Variants in ZSWIM6 observed in about 807,000 individuals in gnomAD.
ZSWIM6 encodes zinc finger SWIM domain-containing protein 6.
Under a neutral mutation model 113.2 loss-of-function variants are expected in ZSWIM6, and 9 were observed. The observed-to-expected ratio is 0.08, with a 90% CI of 0.05 to 0.14. The LOEUF is 0.14. ZSWIM6 is among the 10% of genes least tolerant of loss of function. ZSWIM6 has a pLI of 1.00. For synonymous variants in ZSWIM6, 611 were observed against 606.5 expected, an observed-to-expected ratio of 1.01 and a Z score of -0.11; for missense variants, 1,162 against 1,552.2, an observed-to-expected ratio of 0.75 and a Z score of 4.22.
chr5:61,513,076 TCAAA>T (rs1289915552), intron 4 of ZSWIM6, among the ~76,000 whole-genome samples: 1 of 152,100 alleles, frequency 6.6e-6, no homozygotes, highest in East Asian at 1.9e-4. Context: ...CATTAAAGTA[TCAAA>T]CAGAGTAGTT....
chr5:61,535,535 T>C lies in ZSWIM6; in HGVS notation c.2297T>C (p.Met766Thr), dbSNP rs1235553393. ...GEIIHRESVP[M>T]HTFAKYLFTS... ...ATAATCCATCGGGAGAGCGTTCCAA[T>C]GCACACATTTGCCAAGTATCTCTTC... is the stretch of plus-strand genomic sequence containing the variant. The change falls in exon 10 of 14, where the codon ATG becomes ACG. Residue 766 changes from methionine (M) to threonine (T), a missense_variant. Transcript: ENST00000252744. 6 of 1,551,398 alleles carry C rather than the reference T, an allele frequency of 3.9e-6. No homozygotes were observed. The highest frequency in any genetic ancestry group is 5.2e-6 in the Non-Finnish European group (6 of 1,146,762).
intron 1 of ZSWIM6, among the ~76,000 whole-genome samples, chr5:61,457,672 C>T (rs1309422806): frequency 6.6e-6 from 1 of 152,084 alleles, no homozygotes; most frequent in Non-Finnish European, 1.5e-5. Context: ...CAGGCACCTG[C>T]CTCTATGCCT....
chr5:61,531,658 T>G lies in ZSWIM6; in HGVS notation c.2178T>G (p.Leu726=), dbSNP rs1269029959. 3 of 1,551,668 alleles carry G rather than the reference T, an allele frequency of 1.9e-6. No homozygotes were observed. Among genetic ancestry groups the G allele is most frequent in the Non-Finnish European group, 2.6e-6 (3 of 1,146,972 alleles). Residue 726 remains leucine (L), a synonymous_variant, in exon 9 of 14, where the codon CTT becomes CTG. Coordinates refer to ENST00000252744, the MANE Select transcript of ZSWIM6 (RefSeq NM_020928.2). ...ATGAGGAGCAGCTCATTTCTAAGCT[T>G]CAGGAAATTGAATTGGATGACACAC... ...CRNEEQLISK[L]QEIELDDTLV...
intron 1 of ZSWIM6, among the ~76,000 whole-genome samples, chr5:61,420,156 C>G (rs573966686): frequency 3.9e-5 from 6 of 152,212 alleles, no homozygotes; most frequent in Admixed American, 2.6e-4. Flanking sequence ...TCTTTAAATT[C>G]TTTCATCTTT....
chr5:61,369,357 A>T (rs1272466684), intron 1 of ZSWIM6, among the ~76,000 whole-genome samples: 1 of 152,264 alleles, frequency 6.6e-6, no homozygotes, highest in South Asian at 2.1e-4. Flanking sequence ...TAATTTGGTC[A>T]TTGGATCAAA....
chr5:61,465,627 A>G (rs1291399118), intron 1 of ZSWIM6, among the ~76,000 whole-genome samples: 1 of 152,192 alleles, frequency 6.6e-6, no homozygotes, highest in African/African-American at 2.4e-5. Flanking sequence ...TTAATGAGAA[A>G]ACAACCAATA....
intron 1 of ZSWIM6, among the ~76,000 whole-genome samples, chr5:61,358,353 A>G (rs1200906486): frequency 6.6e-6 from 1 of 152,196 alleles, no homozygotes; most frequent in African/African-American, 2.4e-5. Context: ...GTTTTTTTCC[A>G]GACAGTAGTA....
At chr5:61,519,199 T>G (rs1281452699) in intron 4 of ZSWIM6, among the ~76,000 whole-genome samples, 1 of 152,184 alleles carries the variant, frequency 6.6e-6, no homozygotes. Context: ...TGTCAGTTAG[T>G]TTTCAAAACC....
chr5:61,539,448 A>G (rs944178354), intron 11 of ZSWIM6, 148 bp from the exon 12 acceptor site: 3 of 920,124 alleles, frequency 3.3e-6, no homozygotes, highest in South Asian at 1.9e-5. Flanking sequence ...ATCTGTGAAC[A>G]TGTTAGGTAA....
chr5:61,460,390 A>G (rs139544975), intron 1 of ZSWIM6, among the ~76,000 whole-genome samples: 1 of 152,202 alleles, frequency 6.6e-6, no homozygotes, highest in East Asian at 1.9e-4. Flanking sequence ...CTGTTACTGT[A>G]TGAGTTCTTA....
chr5:61,391,546 T>G (rs1745714472), intron 1 of ZSWIM6: 3 of 985,372 alleles, frequency 3.0e-6, no homozygotes, highest in Non-Finnish European at 4.9e-6. Context: ...ATCGCTGATG[T>G]GCTCAGCGAA....
chr5:61,379,332 T>C (rs574311253), intron 1 of ZSWIM6, among the ~76,000 whole-genome samples: 2 of 149,142 alleles, frequency 1.3e-5, no homozygotes, highest in Admixed American at 6.7e-5. Context: ...TAGGGAAATC[T>C]TTTTGTATCC....
intron 4 of ZSWIM6, among the ~76,000 whole-genome samples, chr5:61,516,470 T>A (rs1272097370): frequency 6.8e-6 from 1 of 146,746 alleles, no homozygotes; most frequent in Admixed American, 6.8e-5. Context: ...AAACTATATA[T>A]ATATATATAG....
Position 61,332,472 on chromosome 5 carries a change from C to T in ZSWIM6, c.200C>T (p.Pro67Leu). 1 of 1,140,530 alleles carries T rather than the reference C, an allele frequency of 8.8e-7. No homozygotes were observed. The highest frequency in any genetic ancestry group is 1.1e-6 in the Non-Finnish European group (1 of 911,408). 70.7% of individuals were successfully genotyped at this position (1,140,530 alleles called of 1,614,324 possible). Residue 67 changes from proline to leucine, a missense_variant, in exon 1 of 14, where the codon CCG becomes CTG. Physicochemically the swap from Pro to Leu is moderately conservative, Grantham distance 98 (BLOSUM62 -3). This residue lies in a region of ZSWIM6 where 333 missense variants were observed against 293.4 expected (regional missense o/e 1.13). Coordinates refer to ENST00000252744, the MANE Select transcript of ZSWIM6 (RefSeq NM_020928.2). ...CGGGAALGLL[P>L]PGKTQSPESL... ...GGCGGCGCGGCGCTGGGGTTGCTGC[C>T]GCCGGGCAAGACCCAGAGCCCCGAG... is the stretch of plus-strand genomic sequence containing the variant.
chr5:61,464,158 A>ATTTTTTTTTTTTTTT lies in ZSWIM6; in HGVS notation c.677-8504_677-8490dup, dbSNP rs869288331. Among the ~76,000 whole-genome samples, 36 of 43,518 alleles carry ATTTTTTTTTTTTTTT rather than the reference A, an allele frequency of 8.3e-4. 4 individuals carry two copies. The highest frequency in any genetic ancestry group is 1.3e-3 in the African/African-American group (14 of 10,874). The allele number at this position is 43,518 out of a possible 152,430, so 28.5% of individuals were successfully genotyped here. A position where few individuals can be genotyped will look rare whatever the true frequency, so the allele number is the denominator to read the frequency against. On this transcript the variant is annotated intron_variant, in intron 1 of 13. Coordinates refer to ENST00000252744, the MANE Select transcript of ZSWIM6 (RefSeq NM_020928.2). ...AGGTGCATGCCAACACACCCGGCTA[A>ATTTTTTTTTTTTTTT]TTTTTTTTTTTTTTTTTTTTTTTTT...
At chr5:61,462,490 A>G (rs1245519653) in intron 1 of ZSWIM6, among the ~76,000 whole-genome samples, 1 of 152,254 alleles carries the variant, frequency 6.6e-6, no homozygotes, top group Non-Finnish European at 1.5e-5. Context: ...ACAGAAAAAA[A>G]TGACGGCAGT....
chr5:61,490,293 C>T (rs914974567), intron 2 of ZSWIM6, among the ~76,000 whole-genome samples: 6 of 151,992 alleles, frequency 3.9e-5, no homozygotes, highest in South Asian at 4.1e-4. Context: ...TTTTAATCTT[C>T]GGTTTTCTGC....
At chr5:61,523,987 C>T (rs1024152446) in intron 5 of ZSWIM6, among the ~76,000 whole-genome samples, 1 of 152,168 alleles carries the variant, frequency 6.6e-6, no homozygotes, top group African/African-American at 2.4e-5. Context: ...AATAGGCAGA[C>T]CTCTAACTCA....
chr5:61,514,445 G>T (rs140933191), intron 4 of ZSWIM6, among the ~76,000 whole-genome samples: 1 of 151,786 alleles, frequency 6.6e-6, no homozygotes, highest in South Asian at 2.1e-4. Context: ...ACATCTTTGC[G>T]TTGTTTCTAT....
Sources: allele counts gnomAD v4.1 joint callset (sites outside exome capture counted in the v4.1 genomes callset), GRCh38; gene constraint gnomAD v4.1.1; regional missense constraint gnomAD v4.1.1; transcripts MANE v1.5; gene names NCBI Gene and HGNC (gene_info 2026-07-23, HGNC 2026-07-21).